Variants in VPS26A observed in about 807,000 individuals in gnomAD.
The protein encoded by VPS26A is VPS26 retromer complex component A.
In VPS26A, 22 loss-of-function variants were observed where a neutral mutation model predicts 42.4. The observed-to-expected ratio is 0.52, with a 90% CI of 0.37 to 0.74. The LOEUF is 0.74. Among genes scored for constraint, VPS26A ranks in the 30% least tolerant of loss-of-function variants. The pLI, the probability that VPS26A is intolerant of heterozygous loss-of-function variation, is 0.00. For missense variants in VPS26A, 276 were observed against 379.2 expected (o/e 0.73, Z 2.26); for synonymous variants, 110 against 123.5 (o/e 0.89, Z 0.73).
intron 1 of VPS26A, among the ~76,000 whole-genome samples, chr10:69,125,383 G>A (rs1465474318): frequency 1.3e-5 from 2 of 152,106 alleles, no homozygotes; most frequent in Non-Finnish European, 2.9e-5. Flanking sequence ...CCAGTAAAAT[G>A]GAAACAGCGC....
intron 2 of VPS26A, among the ~76,000 whole-genome samples, chr10:69,139,958 G>A (rs1412151077): frequency 2.0e-5 from 3 of 151,736 alleles, no homozygotes; most frequent in African/African-American, 7.3e-5. Context: ...GATCTATCTT[G>A]TCTGTAGAAA....
At chr10:69,153,042 A>G (rs7914417) in intron 2 of VPS26A, among the ~76,000 whole-genome samples, 5,943 of 148,344 alleles carry the variant, frequency 0.04, 436 homozygotes, top group African/African-American at 0.14. Context: ...TTAAATGTTA[A>G]GTTGTTTTTT....
At chr10:69,161,729 T>C (rs1841566819) in intron 5 of VPS26A, 3 of 394,630 alleles carry the variant, frequency 7.6e-6, no homozygotes, top group South Asian at 6.5e-5. Flanking sequence ...TTAACATACA[T>C]GGGCTCATCA....
chr10:69,127,774 C>T (rs1473165273), intron 1 of VPS26A, among the ~76,000 whole-genome samples: 2 of 146,556 alleles, frequency 1.4e-5, no homozygotes. Flanking sequence ...TGCTCTGCCG[C>T]CCAGTCAGTG....
chr10:69,131,568 A>G (rs538352421), intron 1 of VPS26A, among the ~76,000 whole-genome samples: 4 of 152,288 alleles, frequency 2.6e-5, no homozygotes, highest in African/African-American at 4.8e-5. Context: ...CCCTGTCTCT[A>G]CTAAAAATAC....
chr10:69,158,673 T>A (rs977534310), intron 5 of VPS26A, among the ~76,000 whole-genome samples: 1 of 152,170 alleles, frequency 6.6e-6, no homozygotes, highest in Non-Finnish European at 1.5e-5. Context: ...AATGCCTTTT[T>A]AAATTTTATT....
intron 5 of VPS26A, among the ~76,000 whole-genome samples, chr10:69,161,260 T>C (rs1841556071): frequency 6.6e-6 from 1 of 151,978 alleles, no homozygotes; most frequent in Non-Finnish European, 1.5e-5. Context: ...TACATCCCCC[T>C]ATGTTGCCTA....
intron 5 of VPS26A, among the ~76,000 whole-genome samples, chr10:69,160,644 G>A (rs909552219): frequency 6.6e-6 from 1 of 151,858 alleles, no homozygotes; most frequent in East Asian, 1.9e-4. Context: ...TAGAGATGGG[G>A]TTTCACCATG....
chr10:69,162,722 T>G (rs1841588716), intron 6 of VPS26A, among the ~76,000 whole-genome samples: 1 of 152,194 alleles, frequency 6.6e-6, no homozygotes, highest in Non-Finnish European at 1.5e-5. Context: ...TTTGAATAGG[T>G]AATAAATTCA....
intron 1 of VPS26A, among the ~76,000 whole-genome samples, chr10:69,131,443 G>A (rs1256665932): frequency 1.3e-5 from 2 of 151,924 alleles, no homozygotes; most frequent in African/African-American, 4.8e-5. Flanking sequence ...TTTTAAAAAA[G>A]ATCATTCTGG....
At chr10:69,164,012 C>A (rs953702045) in intron 6 of VPS26A, among the ~76,000 whole-genome samples, 1 of 152,020 alleles carries the variant, frequency 6.6e-6, no homozygotes, top group African/African-American at 2.4e-5. Flanking sequence ...CGTGATCCGC[C>A]CGCCTCAGCC....
intron 4 of VPS26A, among the ~76,000 whole-genome samples, chr10:69,157,494 C>A (rs1344148730): frequency 1.3e-5 from 2 of 152,166 alleles, no homozygotes; most frequent in Non-Finnish European, 2.9e-5. Context: ...CAGAAGTAAT[C>A]TGGAGTACCA....
At chr10:69,146,174 A>G (rs984099982) in intron 2 of VPS26A, among the ~76,000 whole-genome samples, 1 of 152,082 alleles carries the variant, frequency 6.6e-6, no homozygotes, top group African/African-American at 2.4e-5. Context: ...GGCTCACTGC[A>G]ACCTCTGCCT....
In VPS26A at chr10:69,151,264, C is replaced by CAAAAAAAAAAAAAAAAAAAAA. The variant is rs1192297497; in HGVS notation, c.154-4529_154-4528insAAAAAAAAAAAAAAAAAAAAA. The stretch of plus-strand genomic sequence containing the variant: ...TGGGCAACAGAGTGAGACTCCATGT[C>CAAAAAAAAAAAAAAAAAAAAA]AAAAAAAAAAAAAAAAAAACACACA... On this transcript the variant is annotated intron_variant, in intron 2 of 8. Transcript: ENST00000263559. 8.2e-4 allele frequency among the ~76,000 whole-genome samples: 25 copies of CAAAAAAAAAAAAAAAAAAAAA among 30,394 alleles called. 1 individual carries two copies. Among genetic ancestry groups the CAAAAAAAAAAAAAAAAAAAAA allele is most frequent in the East Asian group, 1.8e-3 (3 of 1,666 alleles). The allele number at this position is 30,394 out of a possible 152,430, so 19.9% of individuals were successfully genotyped here. A position where few individuals can be genotyped will look rare whatever the true frequency, so the allele number is the denominator to read the frequency against.
chr10:69,166,417 G>GT (rs1454268603), intron 7 of VPS26A, among the ~76,000 whole-genome samples: 1 of 151,012 alleles, frequency 6.6e-6, no homozygotes, highest in Non-Finnish European at 1.5e-5. Context: ...CTTTGTAAAT[G>GT]TTTTTTCTCC....
chr10:69,153,514 T>TC (rs981627769), intron 2 of VPS26A, among the ~76,000 whole-genome samples: 2 of 142,056 alleles, frequency 1.4e-5, no homozygotes, highest in South Asian at 2.1e-4. Flanking sequence ...CCCAGCTAAT[T>TC]TTTTTTTTTT....
chr10:69,160,732 G>A (rs1841542393), intron 5 of VPS26A, among the ~76,000 whole-genome samples: 1 of 152,198 alleles, frequency 6.6e-6, no homozygotes, highest in Non-Finnish European at 1.5e-5. Flanking sequence ...GATTACAGGC[G>A]TGCCCGGCCT....
chr10:69,156,492 C>G (rs928929103), intron 3 of VPS26A, among the ~76,000 whole-genome samples: 1 of 151,970 alleles, frequency 6.6e-6, no homozygotes, highest in East Asian at 1.9e-4. Context: ...ATCTAGCTTT[C>G]TAAGTTTCAG....
chr10:69,151,803 A>G (rs550544957), intron 2 of VPS26A, among the ~76,000 whole-genome samples: 3 of 152,336 alleles, frequency 2.0e-5, no homozygotes, highest in South Asian at 2.1e-4. Context: ...AACTGCTGCC[A>G]TATAGGTATT....
Sources: gnomAD v4.1 joint callset for allele counts (sites outside exome capture counted in the v4.1 genomes callset) on GRCh38, gnomAD v4.1.1 for gene constraint, MANE v1.5 for transcripts, NCBI Gene and HGNC (gene_info 2026-07-23, HGNC 2026-07-21) for gene names.